The following TRHDE variants were observed in gnomAD, a reference collection of about 807,000 sequenced individuals.
The protein encoded by TRHDE is thyrotropin releasing hormone degrading enzyme, also known as thyrotropin-releasing hormone-degrading ectoenzyme.
Under a neutral mutation model 125.7 loss-of-function variants are expected in TRHDE, and 72 were observed. The observed-to-expected ratio is 0.57, with a 90% CI of 0.47 to 0.70. TRHDE has a LOEUF of 0.70. TRHDE is among the 30% of genes least tolerant of loss of function. TRHDE has a pLI of 0.00. For missense variants in TRHDE, 1,110 were observed against 1,327.1 expected, an observed-to-expected ratio of 0.84 and a Z score of 2.54; for synonymous variants, 509 against 509.1, an observed-to-expected ratio of 1.00 and a Z score of 0.00.
At chr12:72,595,163 A>C (rs1032289128) in intron 12 of TRHDE, among the ~76,000 whole-genome samples, 4 of 149,816 alleles carry the variant, frequency 2.7e-5, no homozygotes, top group Non-Finnish European at 4.4e-5. Flanking sequence ...ACCTAATGCT[A>C]AATGATGAGT....
At chr12:72,605,540 T>G (rs2136063785) in intron 12 of TRHDE, among the ~76,000 whole-genome samples, 1 of 152,236 alleles carries the variant, frequency 6.6e-6, no homozygotes, top group South Asian at 2.1e-4. Flanking sequence ...TACAAAGAAT[T>G]GTGTATTTGA....
At chr12:72,096,470 TCTGAGACCAGTGCTA>T (rs1233652398) in intron 1 of TRHDE, among the ~76,000 whole-genome samples, 1 of 152,228 alleles carries the variant, frequency 6.6e-6, no homozygotes, top group Non-Finnish European at 1.5e-5. Context: ...TTTATCAAAT[TCTGAGACCAGTGCTA>T]CTGCCTCTAC....
chr12:72,537,531 C>A (rs139380451), intron 6 of TRHDE, among the ~76,000 whole-genome samples: 629 of 152,182 alleles, frequency 4.1e-3, no homozygotes, highest in Middle Eastern at 0.024. Flanking sequence ...GCTTCCCCAG[C>A]CATGTGGAAC....
chr12:72,604,575 T>C (rs914864212), intron 12 of TRHDE, among the ~76,000 whole-genome samples: 14 of 152,080 alleles, frequency 9.2e-5, no homozygotes, highest in Non-Finnish European at 1.9e-4. Flanking sequence ...TTTCTAATTC[T>C]TTCAATATTG....
chr12:72,434,101 T>G (rs1052452478), intron 3 of TRHDE, among the ~76,000 whole-genome samples: 2 of 152,154 alleles, frequency 1.3e-5, no homozygotes, highest in Non-Finnish European at 2.9e-5. Context: ...TAAATGTTTC[T>G]TGGCCAGGCA....
At chr12:72,578,154 T>C (rs1592549658) in intron 12 of TRHDE, among the ~76,000 whole-genome samples, 1 of 152,200 alleles carries the variant, frequency 6.6e-6, no homozygotes, top group African/African-American at 2.4e-5. Context: ...ATTTATTAAA[T>C]ACTTATGCTC....
In TRHDE at chr12:72,664,995, A is replaced by C. The variant is rs541800685; in HGVS notation, c.*1800A>C. 4 of 152,194 alleles carry C rather than the reference A, an allele frequency of 2.6e-5. No individual in the cohort carries two copies. In the East Asian group the frequency reaches 7.7e-4, roughly 29 times the overall value. 9.4% of individuals were successfully genotyped at this position (152,194 alleles called of 1,614,324 possible). ...TGTGAATAGGCATGATAATACTTTT[A>C]GTATAAAATCTAAACTTTTTCCATT... On this transcript the variant is annotated 3_prime_UTR_variant, in exon 19 of 19. Coordinates refer to ENST00000261180, the MANE Select transcript of TRHDE (RefSeq NM_013381.3).
intron 5 of TRHDE, among the ~76,000 whole-genome samples, chr12:72,497,372 A>G (rs957568820): frequency 6.6e-6 from 1 of 152,134 alleles, no homozygotes; most frequent in Non-Finnish European, 1.5e-5. Context: ...CTAGCAAACC[A>G]AGGTATGTTT....
chr12:72,582,879 C>T (rs1032365570), intron 12 of TRHDE, among the ~76,000 whole-genome samples: 14 of 152,014 alleles, frequency 9.2e-5, no homozygotes, highest in African/African-American at 3.4e-4. Flanking sequence ...ATGAAGGATG[C>T]TTCGTTTCAA....
chr12:72,196,453 G>A (rs1877444634), intron 2 of TRHDE, among the ~76,000 whole-genome samples: 1 of 152,022 alleles, frequency 6.6e-6, no homozygotes, highest in African/African-American at 2.4e-5. Context: ...TTTGTTAGAT[G>A]TATTCTTAGG....
chr12:72,130,945 A>G (rs1875845088), intron 2 of TRHDE, among the ~76,000 whole-genome samples: 1 of 152,162 alleles, frequency 6.6e-6, no homozygotes, highest in Admixed American at 6.5e-5. Context: ...TTATAAAGCA[A>G]TGTGGCAAAA....
chr12:72,376,234 A>C (rs1871875178), intron 2 of TRHDE, among the ~76,000 whole-genome samples: 3 of 152,080 alleles, frequency 2.0e-5, no homozygotes, highest in Admixed American at 2.0e-4. Flanking sequence ...CTGAAATTGC[A>C]CCCTTGCTTA....
At chr12:72,443,435 C>T (rs1433261596) in intron 3 of TRHDE, among the ~76,000 whole-genome samples, 2 of 151,724 alleles carry the variant, frequency 1.3e-5, no homozygotes, top group African/African-American at 2.4e-5. Flanking sequence ...AACTATGTTT[C>T]ATGACCTTGT....
intron 1 of TRHDE, among the ~76,000 whole-genome samples, chr12:72,281,249 T>G (rs1021526448): frequency 2.0e-5 from 3 of 152,198 alleles, no homozygotes; most frequent in Admixed American, 2.0e-4. Flanking sequence ...ACTTCTCTTC[T>G]GAAATAGCAG....
intron 3 of TRHDE, among the ~76,000 whole-genome samples, chr12:72,457,012 T>C (rs997256547): frequency 1.3e-5 from 2 of 152,148 alleles, no homozygotes; most frequent in Non-Finnish European, 2.9e-5. Flanking sequence ...AAGATATTTA[T>C]AACAAAGCAT....
At chr12:72,523,750 G>A in intron 6 of TRHDE, among the ~76,000 whole-genome samples, 1 of 152,140 alleles carries the variant, frequency 6.6e-6, no homozygotes, top group East Asian at 1.9e-4. Flanking sequence ...TAATAAGACT[G>A]TATTTGCTTG....
chr12:72,621,583 A>C lies in TRHDE; in HGVS notation c.2568-61A>C. The stretch of plus-strand genomic sequence containing the variant: ...TATGTTAATAATTTACTTATCTACT[A>C]TTTAGGGAATGAATTTCCCTAACTT... On this transcript the variant is annotated intron_variant, in intron 14 of 18. Coordinates refer to ENST00000261180, the MANE Select transcript of TRHDE (RefSeq NM_013381.3). The C allele has an allele frequency of 8.1e-6, 10 of 1,233,114 alleles. No individual in the cohort carries two copies. The South Asian group carries it at 1.3e-4, about 16-fold the overall frequency. The allele number at this position is 1,233,114 out of a possible 1,614,324, so 76.4% of individuals were successfully genotyped here. A position where few individuals can be genotyped will look rare whatever the true frequency, so the allele number is the denominator to read the frequency against.
At chr12:72,293,502 C>G (rs1322367733) in intron 2 of TRHDE, among the ~76,000 whole-genome samples, 1 of 152,116 alleles carries the variant, frequency 6.6e-6, no homozygotes, top group Non-Finnish European at 1.5e-5. Flanking sequence ...TCTTTACTCT[C>G]TTACTGGGGA....
intron 2 of TRHDE, among the ~76,000 whole-genome samples, chr12:72,252,375 T>C (rs998102515): frequency 1.3e-5 from 2 of 152,144 alleles, no homozygotes; most frequent in African/African-American, 4.8e-5. Flanking sequence ...GCACAACTTG[T>C]TGCAAGGCTA....
Sources: gnomAD v4.1 joint callset for allele counts (sites outside exome capture counted in the v4.1 genomes callset) on GRCh38, gnomAD v4.1.1 for gene constraint, MANE v1.5 for transcripts, NCBI Gene and HGNC (gene_info 2026-07-23, HGNC 2026-07-21) for gene names.